Variants in CHRM3 observed in about 807,000 individuals in gnomAD.
The protein encoded by CHRM3 is muscarinic acetylcholine receptor M3.
A neutral mutation model predicts 41.8 loss-of-function variants in CHRM3; 11 were observed. The ratio of observed to expected loss-of-function variants is 0.26; its 90% CI spans 0.17 to 0.44. The LOEUF is 0.44. Among genes scored for constraint, CHRM3 ranks in the 20% least tolerant of loss-of-function variants. The probability of loss-of-function intolerance (pLI) is 1.00; values close to 1 mark genes in which losing one functional copy is unlikely to be tolerated. For synonymous variants in CHRM3, 297 were observed against 301.4 expected (o/e 0.99, Z 0.15); for missense variants, 571 against 745.4 (o/e 0.77, Z 2.72).
At chr1:239,639,546 AT>A (rs1670868311) in intron 4 of CHRM3, among the ~76,000 whole-genome samples, 1 of 151,996 alleles carries the variant, frequency 6.6e-6, no homozygotes, top group Admixed American at 6.6e-5. Context: ...GAGTTCACTC[AT>A]GATTTGGCTC....
intron 5 of CHRM3, among the ~76,000 whole-genome samples, chr1:239,801,934 A>G (rs919727643): frequency 6.6e-6 from 1 of 152,186 alleles, no homozygotes; most frequent in East Asian, 1.9e-4. Flanking sequence ...ACAAGGACAG[A>G]CATGCCTACT....
intron 4 of CHRM3, among the ~76,000 whole-genome samples, chr1:239,674,722 A>AG (rs1323999740): frequency 6.6e-6 from 1 of 151,578 alleles, no homozygotes; most frequent in African/African-American, 2.4e-5. Context: ...AAAAAAAAAA[A>AG]AAAAAGAAAG....
intron 6 of CHRM3, among the ~76,000 whole-genome samples, chr1:239,903,849 T>A (rs544574867): frequency 6.6e-6 from 1 of 152,202 alleles, no homozygotes; most frequent in Admixed American, 6.5e-5. Context: ...GTCTTCTTCA[T>A]GTTCATTGTT....
At chr1:239,575,980 G>A (rs1662298987) in intron 3 of CHRM3, among the ~76,000 whole-genome samples, 1 of 151,876 alleles carries the variant, frequency 6.6e-6, no homozygotes, top group African/African-American at 2.4e-5. Context: ...CCTACCCCTG[G>A]TGACTGACCA....
At chr1:239,738,457 A>G (rs1241241608) in intron 5 of CHRM3, among the ~76,000 whole-genome samples, 1 of 152,174 alleles carries the variant, frequency 6.6e-6, no homozygotes, top group African/African-American at 2.4e-5. Flanking sequence ...TTATTATCCC[A>G]AGGCCAGGCT....
intron 2 of CHRM3, among the ~76,000 whole-genome samples, chr1:239,502,598 C>A (rs1232006394): frequency 6.6e-6 from 1 of 152,092 alleles, no homozygotes; most frequent in Non-Finnish European, 1.5e-5. Flanking sequence ...GCCAGTATCA[C>A]CCTAATACCA....
At chr1:239,698,012 G>T (rs1660354149) in intron 5 of CHRM3, among the ~76,000 whole-genome samples, 1 of 152,168 alleles carries the variant, frequency 6.6e-6, no homozygotes, top group Non-Finnish European at 1.5e-5. Context: ...GGGTGGAAAG[G>T]TGACTAAATT....
intron 5 of CHRM3, among the ~76,000 whole-genome samples, chr1:239,825,923 A>G (rs970047376): frequency 6.6e-6 from 1 of 152,194 alleles, no homozygotes; most frequent in African/African-American, 2.4e-5. Flanking sequence ...ATGAACCTTG[A>G]GAACATTATG....
chr1:239,634,416 A>G (rs909156073), intron 4 of CHRM3, among the ~76,000 whole-genome samples: 2 of 138,536 alleles, frequency 1.4e-5, no homozygotes, highest in Non-Finnish European at 3.2e-5. Context: ...GAAAGAAAGA[A>G]GAAAAGAAAA....
chr1:239,756,493 A>G (rs1437313734), intron 5 of CHRM3, among the ~76,000 whole-genome samples: 2 of 152,226 alleles, frequency 1.3e-5, no homozygotes, highest in Admixed American at 1.3e-4. Flanking sequence ...GGGAGATGTT[A>G]ATAGATGTTG....
chr1:239,813,513 T>C (rs370320014), intron 5 of CHRM3, among the ~76,000 whole-genome samples: 6 of 152,200 alleles, frequency 3.9e-5, no homozygotes, highest in African/African-American at 1.4e-4. Flanking sequence ...TTGCAAACAT[T>C]CATCTTTCTC....
intron 6 of CHRM3, among the ~76,000 whole-genome samples, chr1:239,834,568 A>G (rs752662418): frequency 6.6e-6 from 1 of 152,178 alleles, no homozygotes; most frequent in Admixed American, 6.5e-5. Flanking sequence ...AAGTTCATAC[A>G]GTCCCCACTA....
At chr1:239,730,677 G>T (rs1255767942) in intron 5 of CHRM3, among the ~76,000 whole-genome samples, 1 of 151,976 alleles carries the variant, frequency 6.6e-6, no homozygotes, top group African/African-American at 2.4e-5. Flanking sequence ...AACCATGGAC[G>T]CTGAGTCTGG....
chr1:239,583,495 G>A lies in CHRM3; in HGVS notation c.-313+37746G>A, dbSNP rs150791929. On this transcript the variant is annotated intron_variant, in intron 3 of 6. Coordinates refer to ENST00000676153, the MANE Select transcript of CHRM3 (RefSeq NM_001375978.1). ...TTTTAGACAATGTAGTTGGGAAGAC[G>A]GGACGTCGACACAGAGAGCTATGGT... 2.6e-3 allele frequency among the ~76,000 whole-genome samples: 399 copies of A among 152,182 alleles called. 2 individuals are homozygous for A. Among genetic ancestry groups the A allele is most frequent in the Non-Finnish European group, 4.7e-3 (322 of 68,012 alleles).
intron 4 of CHRM3, among the ~76,000 whole-genome samples, chr1:239,646,818 A>C (rs527344328): frequency 6.6e-6 from 1 of 152,296 alleles, no homozygotes; most frequent in South Asian, 2.1e-4. Flanking sequence ...ACACTGAAAA[A>C]GCTTGAGTAG....
At chr1:239,687,124 A>G (rs374003833) in intron 5 of CHRM3, among the ~76,000 whole-genome samples, 3 of 151,646 alleles carry the variant, frequency 2.0e-5, no homozygotes, top group African/African-American at 7.3e-5. Flanking sequence ...CTATATTTTA[A>G]TAATAATAAA....
At position 239,488,714 on chromosome 1, in the gene CHRM3, C is replaced by CAAA. The variant is rs763682628; in HGVS notation, c.-520-3960_-520-3958dup. 2.6e-4 allele frequency among the ~76,000 whole-genome samples: 12 copies of CAAA among 46,220 alleles called. 1 individual carries two copies. Among genetic ancestry groups the CAAA allele is most frequent in the African/African-American group, 1.2e-3 (12 of 9,802 alleles). The allele number at this position is 46,220 out of a possible 152,430, so 30.3% of individuals were successfully genotyped here. ...TGGATGACAGAGCGAGACTCCTTCTCAAAAAAAAAAAAAAAAAAAAAAAAA... is the reference window on the plus strand; with the variant it reads ...TGGATGACAGAGCGAGACTCCTTCTCAAAAAAAAAAAAAAAAAAAAAAAAAAAA... On this transcript the variant is annotated intron_variant, in intron 1 of 6. Transcript: ENST00000676153.
chr1:239,487,730 T>C (rs1667270876), intron 1 of CHRM3, among the ~76,000 whole-genome samples: 1 of 152,046 alleles, frequency 6.6e-6, no homozygotes, highest in South Asian at 2.1e-4. Flanking sequence ...AGTATCATTT[T>C]TTTCAATCAT....
rs371537066 is a variant in CHRM3 at position 239,530,110 on chromosome 1, A to G, written c.-421-15531A>G. Among the ~76,000 whole-genome samples, 144 of 152,144 alleles carry G rather than the reference A, an allele frequency of 9.5e-4. 2 individuals carry two copies. The highest frequency in any genetic ancestry group is 6.6e-3 in the South Asian group (32 of 4,816). On this transcript the variant is annotated intron_variant, in intron 2 of 6. Transcript: ENST00000676153. Reference sequence around the variant, plus strand: ...AGTAGAGATGGGGTTTCACCGTGTTAGCCAGGATGGTCTTGATCTCCTGAC... The same window carrying G: ...AGTAGAGATGGGGTTTCACCGTGTTGGCCAGGATGGTCTTGATCTCCTGAC...
Sources: allele counts gnomAD v4.1 joint callset (sites outside exome capture counted in the v4.1 genomes callset), GRCh38; gene constraint gnomAD v4.1.1; transcripts MANE v1.5; gene names NCBI Gene and HGNC (gene_info 2026-07-23, HGNC 2026-07-21).